UBASH3B: variants seen among roughly 807,000 people sequenced by gnomAD.
The protein encoded by UBASH3B is ubiquitin-associated and SH3 domain-containing protein B.
In UBASH3B, 37 loss-of-function variants were observed where a neutral mutation model predicts 83.4. The observed-to-expected ratio is 0.44, with a 90% CI of 0.34 to 0.58. The LOEUF is 0.58. UBASH3B is among the 20% of genes least tolerant of loss of function. The pLI is 0.01. For missense variants in UBASH3B, 657 were observed against 827.2 expected, an observed-to-expected ratio of 0.79 and a Z score of 2.52; for synonymous variants, 304 against 318.3, an observed-to-expected ratio of 0.96 and a Z score of 0.48.
intron 1 of UBASH3B, among the ~76,000 whole-genome samples, chr11:122,726,692 T>A (rs1304477512): frequency 6.6e-6 from 1 of 152,224 alleles, no homozygotes; most frequent in Non-Finnish European, 1.5e-5. Flanking sequence ...ATTCTTCCTG[T>A]TTTCCCTTTC....
chr11:122,787,440 A>G (rs754063444), intron 5 of UBASH3B, among the ~76,000 whole-genome samples: 1 of 152,314 alleles, frequency 6.6e-6, no homozygotes, highest in Non-Finnish European at 1.5e-5. Context: ...TAAAAGGAAA[A>G]TCGGAAATGC....
At chr11:122,744,094 C>G (rs1296210306) in intron 1 of UBASH3B, among the ~76,000 whole-genome samples, 1 of 152,188 alleles carries the variant, frequency 6.6e-6, no homozygotes, top group Non-Finnish European at 1.5e-5. Context: ...GAATCCAGCC[C>G]ATGCACCTGG....
chr11:122,714,028 C>T (rs745372274), intron 1 of UBASH3B, among the ~76,000 whole-genome samples: 1 of 152,182 alleles, frequency 6.6e-6, no homozygotes, highest in Non-Finnish European at 1.5e-5. Context: ...AAGGACACTG[C>T]TGCAGACACT....
intron 10 of UBASH3B, 60 bp downstream of exon 10, chr11:122,799,094 C>A: frequency 2.2e-6 from 3 of 1,383,566 alleles, no homozygotes; most frequent in Non-Finnish European, 1.0e-6. Flanking sequence ...GGCAGCCCCA[C>A]ACATAAATTA....
At chr11:122,683,380 C>G (rs1032410600) in intron 1 of UBASH3B, among the ~76,000 whole-genome samples, 1 of 151,834 alleles carries the variant, frequency 6.6e-6, no homozygotes, top group South Asian at 2.1e-4. Flanking sequence ...TGTGGGAGGC[C>G]AAGGCGGGCA....
rs907385365 is a variant in UBASH3B at position 122,812,500 on chromosome 11, A to G, written c.*2614A>G. ...TCTTTTTGATCTGAAGCTGATGCTT[A>G]TTAAAACAAATGATGTATGGGGAGA... On this transcript the variant is annotated 3_prime_UTR_variant, in exon 14 of 14. Transcript: ENST00000284273. 3 of 152,238 alleles carry G rather than the reference A, an allele frequency of 2.0e-5. No individual in the cohort carries two copies. The highest frequency in any genetic ancestry group is 7.2e-5 in the African/African-American group (3 of 41,460). The allele number at this position is 152,238 out of a possible 1,614,324, so 9.4% of individuals were successfully genotyped here.
intron 1 of UBASH3B, among the ~76,000 whole-genome samples, chr11:122,682,606 G>A (rs749009709): frequency 5.9e-5 from 9 of 152,104 alleles, no homozygotes; most frequent in Non-Finnish European, 1.2e-4. Flanking sequence ...GCTTCTTTGA[G>A]GAAGATGGTA....
chr11:122,783,989 G>T (rs1413554652), intron 5 of UBASH3B, among the ~76,000 whole-genome samples: 1 of 151,126 alleles, frequency 6.6e-6, no homozygotes, highest in Non-Finnish European at 1.5e-5. Flanking sequence ...TGCCCAGGCT[G>T]GAGTGCAATG....
intron 1 of UBASH3B, among the ~76,000 whole-genome samples, chr11:122,696,853 C>T (rs1228475421): frequency 1.3e-5 from 2 of 152,178 alleles, no homozygotes; most frequent in Non-Finnish European, 2.9e-5. Flanking sequence ...CTTGTTTTCA[C>T]ATCAGCTGCA....
At chr11:122,794,406 C>T (rs1339704530) in intron 6 of UBASH3B, among the ~76,000 whole-genome samples, 1 of 152,124 alleles carries the variant, frequency 6.6e-6, no homozygotes, top group Non-Finnish European at 1.5e-5. Context: ...GGGATTTCGC[C>T]ACATTGGCCA....
At chr11:122,779,464 C>G (rs4935813) in intron 3 of UBASH3B, 33 bp from the exon 4 acceptor site, 1,219,105 of 1,611,736 alleles carry the variant, frequency 0.76, 461,993 homozygotes, top group Admixed American at 0.79. Context: ...CTCCCCTTGT[C>G]TCTGAGTGAA....
rs373286769 is a variant in UBASH3B at position 122,682,590 on chromosome 11, C to G, written c.161+26380C>G. 1.3e-4 allele frequency among the ~76,000 whole-genome samples: 20 copies of G among 152,300 alleles called. No individual in the cohort carries two copies. The South Asian group carries it at 2.7e-3, about 21-fold the overall frequency. ...GCCTGAGATGCACGTCTCTTTCTAA[C>G]CGAGAGCTTCTTTGAGGAAGATGGT... On this transcript the variant is annotated intron_variant, in intron 1 of 13. Coordinates refer to ENST00000284273, the MANE Select transcript of UBASH3B (RefSeq NM_032873.5).
chr11:122,779,763 G>A, intron 4 of UBASH3B, 68 bp downstream of exon 4: 6 of 1,583,580 alleles, frequency 3.8e-6, no homozygotes, highest in South Asian at 1.1e-5. Flanking sequence ...AAAAAGGATA[G>A]GAAATAGTGG....
At position 122,655,914 on chromosome 11, in the gene UBASH3B, G is replaced by GCGCCGCCTCCGCTGC. The variant is rs563840858; in HGVS notation, c.-125_-111dup. On this transcript the variant is annotated 5_prime_UTR_variant, in exon 1 of 14. Coordinates refer to ENST00000284273, the MANE Select transcript of UBASH3B (RefSeq NM_032873.5). ...AGTCCCGACACTGGGGAAGCTCGGAGCGCCGCCTCCGCTGCCGCCGCCTCC... is the reference window on the plus strand; with the variant it reads ...AGTCCCGACACTGGGGAAGCTCGGAGCGCCGCCTCCGCTGCCGCCGCCTCCGCTGCCGCCGCCTCC... 2.1e-6 allele frequency: 2 copies of GCGCCGCCTCCGCTGC among 971,946 alleles called. No individual in the cohort carries two copies. The highest frequency in any genetic ancestry group is 3.5e-5 in the African/African-American group (2 of 57,668). 60.2% of individuals were successfully genotyped at this position (971,946 alleles called of 1,614,324 possible).
At chr11:122,691,350 C>T (rs1362558489) in intron 1 of UBASH3B, among the ~76,000 whole-genome samples, 1 of 152,190 alleles carries the variant, frequency 6.6e-6, no homozygotes, top group African/African-American at 2.4e-5. Flanking sequence ...TAAAGTCACT[C>T]TTTTCTGGAC....
intron 1 of UBASH3B, among the ~76,000 whole-genome samples, chr11:122,674,919 G>C (rs1046104177): frequency 2.0e-5 from 3 of 151,864 alleles, no homozygotes; most frequent in Admixed American, 6.6e-5. Context: ...TGTAGAGACA[G>C]GGTTTCACCA....
At chr11:122,706,394 G>A (rs1471544527) in intron 1 of UBASH3B, among the ~76,000 whole-genome samples, 1 of 152,100 alleles carries the variant, frequency 6.6e-6, no homozygotes, top group Non-Finnish European at 1.5e-5. Context: ...AGCTCTGAAA[G>A]GCACTCAAAG....
chr11:122,794,249 G>C (rs993985327), intron 6 of UBASH3B, among the ~76,000 whole-genome samples: 1 of 151,628 alleles, frequency 6.6e-6, no homozygotes, highest in Non-Finnish European at 1.5e-5. Context: ...CGTATCGCCC[G>C]GGCTGGAGTG....
intron 1 of UBASH3B, among the ~76,000 whole-genome samples, chr11:122,702,670 G>A (rs1016426797): frequency 2.6e-5 from 4 of 151,950 alleles, no homozygotes; most frequent in Non-Finnish European, 2.9e-5. Flanking sequence ...GATTACAGGC[G>A]CATGCTACCA....
Sources: gnomAD v4.1 joint callset for allele counts (sites outside exome capture counted in the v4.1 genomes callset) on GRCh38, gnomAD v4.1.1 for gene constraint, MANE v1.5 for transcripts, NCBI Gene and HGNC (gene_info 2026-07-23, HGNC 2026-07-21) for gene names.